Variants in PLPP1 observed in about 807,000 individuals in gnomAD.
PLPP1 encodes the protein phospholipid phosphatase 1.
Under a neutral mutation model 31.2 loss-of-function variants are expected in PLPP1, and 24 were observed. The observed-to-expected ratio is 0.77, with a 90% CI of 0.56 to 1.08. PLPP1 has a LOEUF of 1.08. Ranked by LOEUF, PLPP1 falls within the 50% of genes least tolerant of loss-of-function variation. PLPP1 has a pLI of 0.00. For synonymous variants in PLPP1, 146 were observed against 126.3 expected, an observed-to-expected ratio of 1.16 and a Z score of -1.05; for missense variants, 319 against 342.7, an observed-to-expected ratio of 0.93 and a Z score of 0.55.
At chr5:55,433,870 C>T (rs1388954373) in intron 4 of PLPP1, among the ~76,000 whole-genome samples, 1 of 151,888 alleles carries the variant, frequency 6.6e-6, no homozygotes, top group Non-Finnish European at 1.5e-5. Flanking sequence ...GGCATTGTGG[C>T]TTACGCCTGT....
At chr5:55,525,238 T>C (rs1753756181) in intron 1 of PLPP1, among the ~76,000 whole-genome samples, 1 of 152,238 alleles carries the variant, frequency 6.6e-6, no homozygotes, top group Non-Finnish European at 1.5e-5. Flanking sequence ...TTGACAAACA[T>C]ACATCATGCA....
chr5:55,530,713 T>A (rs1314337980), intron 1 of PLPP1: 55 of 1,575,562 alleles, frequency 3.5e-5, no homozygotes, highest in Non-Finnish European at 2.2e-5. Flanking sequence ...TCTAGTCACA[T>A]TTCCACGACA....
At chr5:55,442,751 A>G (rs1345965138) in intron 3 of PLPP1, among the ~76,000 whole-genome samples, 1 of 152,122 alleles carries the variant, frequency 6.6e-6, no homozygotes, top group East Asian at 1.9e-4. Flanking sequence ...GAGTCTATAA[A>G]CATCTAAGTA....
rs546216139 is a variant in PLPP1, at chr5:55,498,702, C to CA, written c.59-23253dup. Among the ~76,000 whole-genome samples the CA allele has an allele frequency of 3.2e-3, 349 of 110,594 alleles. 3 individuals carry two copies. The highest frequency in any genetic ancestry group is 0.031 in the Middle Eastern group (7 of 224). The allele number at this position is 110,594 out of a possible 152,430, so 72.6% of individuals were successfully genotyped here. A position where few individuals can be genotyped will look rare whatever the true frequency, so the allele number is the denominator to read the frequency against. The stretch of plus-strand genomic sequence containing the variant: ...TTCAAACAAACAAACCAAGAAGGGA[C>CA]AAAAAAAAAAAAAGGTGAACAATCT... On this transcript the variant is annotated intron_variant, in intron 1 of 5. Coordinates refer to ENST00000307259, the MANE Select transcript of PLPP1 (RefSeq NM_003711.4).
intron 1 of PLPP1, among the ~76,000 whole-genome samples, chr5:55,492,827 A>T (rs893920335): frequency 5.9e-5 from 9 of 152,168 alleles, no homozygotes. Context: ...AGAAATGAGG[A>T]ACATTGCTGA....
At chr5:55,487,269 C>T (rs1173637657) in intron 1 of PLPP1, among the ~76,000 whole-genome samples, 1 of 151,836 alleles carries the variant, frequency 6.6e-6, no homozygotes, top group Non-Finnish European at 1.5e-5. Context: ...TATCATTACT[C>T]TGAAAGTTTG....
intron 1 of PLPP1, among the ~76,000 whole-genome samples, chr5:55,534,355 G>A (rs966610441): frequency 6.6e-6 from 1 of 152,176 alleles, no homozygotes; most frequent in Non-Finnish European, 1.5e-5. Context: ...GCAGGGCTGG[G>A]CTCATCGCAC....
intron 1 of PLPP1, among the ~76,000 whole-genome samples, chr5:55,527,171 G>GC: frequency 6.6e-6 from 1 of 152,218 alleles, no homozygotes; most frequent in Non-Finnish European, 1.5e-5. Flanking sequence ...CAAAATACTT[G>GC]TTTTTTCCCC....
intron 1 of PLPP1, among the ~76,000 whole-genome samples, chr5:55,525,925 C>G (rs1302466452): frequency 1.3e-5 from 2 of 151,652 alleles, no homozygotes; most frequent in African/African-American, 4.8e-5. Context: ...ATTGTACAGA[C>G]TGTATGTTTC....
chr5:55,490,849 A>T (rs980541441), intron 1 of PLPP1: 1 of 1,195,848 alleles, frequency 8.4e-7, no homozygotes. Flanking sequence ...ATCATTCACC[A>T]TATCAACACT....
At chr5:55,523,588 C>G (rs1325826506) in intron 1 of PLPP1, among the ~76,000 whole-genome samples, 1 of 152,136 alleles carries the variant, frequency 6.6e-6, no homozygotes, top group Non-Finnish European at 1.5e-5. Flanking sequence ...ACTGGCTGTA[C>G]CAAGCCTAGA....
In PLPP1 at chr5:55,495,836, TTTTTG is replaced by T. The variant is rs1204720611; in HGVS notation, c.59-20391_59-20387del. Among the ~76,000 whole-genome samples the T allele has an allele frequency of 3.9e-5, 6 of 151,956 alleles. No individual in the cohort carries two copies. The East Asian group carries it at 5.8e-4, about 15-fold the overall frequency. On this transcript the variant is annotated intron_variant, in intron 1 of 5. Transcript: ENST00000307259. ...TAGTCTTTATCTGCTACTGAGATCATTTTTGTTTTGTTTTGTTTTGTTTTTGTTTT... is the reference window on the plus strand; with the variant it reads ...TAGTCTTTATCTGCTACTGAGATCATTTTTGTTTTGTTTTGTTTTTGTTTT...
In PLPP1 at chr5:55,456,629, A is replaced by G. The variant is rs74967523; in HGVS notation, c.491+11240T>C. On this transcript the variant is annotated intron_variant, in intron 3 of 5. Coordinates refer to ENST00000307259, the MANE Select transcript of PLPP1 (RefSeq NM_003711.4). ...GACTTTCAAAATTCAAGAGAAAAATAATAGGAAAGTATGTATCCAGCCAAA... is the reference window on the plus strand; with the variant it reads ...GACTTTCAAAATTCAAGAGAAAAATGATAGGAAAGTATGTATCCAGCCAAA... Among the ~76,000 whole-genome samples, 99 of 152,346 alleles carry G rather than the reference A, an allele frequency of 6.5e-4. 1 individual carries two copies. In the East Asian group the frequency reaches 0.013, roughly 19 times the overall value.
chr5:55,507,426 A>G (rs1753303540), intron 1 of PLPP1, among the ~76,000 whole-genome samples: 1 of 152,222 alleles, frequency 6.6e-6, no homozygotes, highest in South Asian at 2.1e-4. Context: ...TCTTGGAAAG[A>G]AAAGAGAAAG....
At chr5:55,426,969 T>C (rs1306681934) in intron 4 of PLPP1, among the ~76,000 whole-genome samples, 1 of 152,192 alleles carries the variant, frequency 6.6e-6, no homozygotes, top group Non-Finnish European at 1.5e-5. Context: ...CTATGAGTTT[T>C]CTGTACACTA....
chr5:55,433,626 A>G (rs1751421002), intron 4 of PLPP1, among the ~76,000 whole-genome samples: 1 of 147,702 alleles, frequency 6.8e-6, no homozygotes, highest in Non-Finnish European at 1.5e-5. Flanking sequence ...CAGCCTCCCA[A>G]GTAGCTGGGA....
At chr5:55,458,887 C>CAGAA (rs1752082797) in intron 3 of PLPP1, among the ~76,000 whole-genome samples, 1 of 21,098 alleles carries the variant, frequency 4.7e-5, no homozygotes, top group Non-Finnish European at 1.4e-4. Context: ...ACCCTGTCTC[C>CAGAA]AAAAAAAAAA....
At chr5:55,460,418 A>AGT in intron 3 of PLPP1, among the ~76,000 whole-genome samples, 1 of 152,358 alleles carries the variant, frequency 6.6e-6, no homozygotes, top group Middle Eastern at 3.4e-3. Context: ...AAAATTGATA[A>AGT]GTTTCTAGCC....
intron 1 of PLPP1, among the ~76,000 whole-genome samples, chr5:55,506,016 C>T (rs1182658845): frequency 1.3e-5 from 2 of 152,172 alleles, no homozygotes; most frequent in African/African-American, 4.8e-5. Flanking sequence ...GAGATCACGC[C>T]ACTGCACTCC....
Sources: gnomAD v4.1 joint callset for allele counts (sites outside exome capture counted in the v4.1 genomes callset) on GRCh38, gnomAD v4.1.1 for gene constraint, MANE v1.5 for transcripts, NCBI Gene and HGNC (gene_info 2026-07-23, HGNC 2026-07-21) for gene names.